MEGF10: variants seen among roughly 807,000 people sequenced by gnomAD.
MEGF10 encodes the protein multiple epidermal growth factor-like domains protein 10.
MEGF10 carries 86 observed loss-of-function variants against 147.5 expected under a neutral mutation model. That is an observed-to-expected ratio of 0.58 (90% CI 0.49 to 0.70). The LOEUF is 0.70. MEGF10 is among the 30% of genes least tolerant of loss of function. The pLI is 0.00. For missense variants in MEGF10, 1,329 were observed against 1,487.3 expected (o/e 0.89, Z 1.75); for synonymous variants, 478 against 525.5 (o/e 0.91, Z 1.24).
chr5:127,419,962 A>G (rs1463988812), intron 11 of MEGF10, 82 bp from the exon 12 acceptor site: 2 of 1,493,616 alleles, frequency 1.3e-6, no homozygotes, highest in Non-Finnish European at 1.8e-6. Flanking sequence ...GCGTTTCTAA[A>G]GAGAAACGTG....
chr5:127,351,397 T>C (rs1426250342), intron 4 of MEGF10, among the ~76,000 whole-genome samples: 1 of 152,186 alleles, frequency 6.6e-6, no homozygotes, highest in Non-Finnish European at 1.5e-5. Context: ...ATTGTAGACA[T>C]ATTTTCTTGT....
chr5:127,350,789 A>T (rs1456867870), intron 4 of MEGF10, among the ~76,000 whole-genome samples: 1 of 152,190 alleles, frequency 6.6e-6, no homozygotes, highest in Admixed American at 6.5e-5. Flanking sequence ...TTTTAAAAAA[A>T]TTTTGAAGTT....
chr5:127,276,861 G>C, the MEGF10 span, among the ~76,000 whole-genome samples: 2 of 152,128 alleles, frequency 1.3e-5, no homozygotes, highest in African/African-American at 4.8e-5. Flanking sequence ...ATGGTAAAGG[G>C]GATCAGGTGT....
At chr5:127,322,766 G>T (rs941318015) in intron 1 of MEGF10, among the ~76,000 whole-genome samples, 6 of 152,062 alleles carry the variant, frequency 3.9e-5, no homozygotes, top group Non-Finnish European at 5.9e-5. Flanking sequence ...GGATTAAATT[G>T]GTACTATTGC....
At chr5:127,252,458 T>C in the MEGF10 span, among the ~76,000 whole-genome samples, 1 of 151,872 alleles carries the variant, frequency 6.6e-6, no homozygotes, top group Non-Finnish European at 1.5e-5. Context: ...GAAGTACATA[T>C]AGTTTCATAT....
chr5:127,425,414 C>A (rs1461160831), intron 13 of MEGF10, among the ~76,000 whole-genome samples: 1 of 152,154 alleles, frequency 6.6e-6, no homozygotes, highest in Non-Finnish European at 1.5e-5. Context: ...CATTATTGCT[C>A]CTAGACCAGC....
intron 7 of MEGF10, among the ~76,000 whole-genome samples, chr5:127,401,605 G>C (rs1764136624): frequency 6.6e-6 from 1 of 152,192 alleles, no homozygotes. Context: ...AGGGAGGACA[G>C]AGCAACAGCT....
the MEGF10 span, among the ~76,000 whole-genome samples, chr5:127,244,852 AAAAC>A: frequency 6.6e-6 from 1 of 152,202 alleles, no homozygotes; most frequent in African/African-American, 2.4e-5. Flanking sequence ...AAAAAACAAA[AAAAC>A]AAAGTATACC....
chr5:127,414,485 A>T (rs1473139829), intron 9 of MEGF10, among the ~76,000 whole-genome samples: 2 of 152,234 alleles, frequency 1.3e-5, no homozygotes, highest in Admixed American at 1.3e-4. Context: ...ATCATCACAA[A>T]CATGGTGACA....
At position 127,460,253 on chromosome 5, in the gene MEGF10, A is replaced by G. The variant is rs1280541657; in HGVS notation, c.*2935A>G. 1 of 152,200 alleles carries G rather than the reference A, an allele frequency of 6.6e-6. No individual in the cohort carries two copies. Among genetic ancestry groups the G allele is most frequent in the Non-Finnish European group, 1.5e-5 (1 of 68,022 alleles). The allele number at this position is 152,200 out of a possible 1,614,324, so 9.4% of individuals were successfully genotyped here. A position where few individuals can be genotyped will look rare whatever the true frequency, so the allele number is the denominator to read the frequency against. On this transcript the variant is annotated 3_prime_UTR_variant, in exon 25 of 25. Coordinates refer to ENST00000503335, the MANE Select transcript of MEGF10 (RefSeq NM_001256545.2). Reference sequence around the variant, plus strand: ...ATTTATAAGTTATTTGTATTTATATATAAGTACATCAGAACTTGCCCACAT... The same window carrying G: ...ATTTATAAGTTATTTGTATTTATATGTAAGTACATCAGAACTTGCCCACAT...
intron 1 of MEGF10, among the ~76,000 whole-genome samples, chr5:127,313,882 T>G (rs1037239788): frequency 7.2e-5 from 11 of 152,318 alleles, no homozygotes; most frequent in African/African-American, 2.6e-4. Context: ...TCAGAATAAC[T>G]TCCTTATAGT....
intron 2 of MEGF10, among the ~76,000 whole-genome samples, chr5:127,333,227 A>C (rs1761333779): frequency 6.6e-6 from 1 of 152,086 alleles, no homozygotes; most frequent in African/African-American, 2.4e-5. Flanking sequence ...ACTATAAGAG[A>C]AAAAAAGGTT....
intron 21 of MEGF10, 39 bp downstream of exon 21, chr5:127,447,723 G>A (rs1447628574): frequency 6.2e-7 from 1 of 1,612,618 alleles, no homozygotes; most frequent in East Asian, 2.2e-5. Flanking sequence ...AGTGGGCTGG[G>A]GAGAGAGGAA....
intron 15 of MEGF10, 61 bp downstream of exon 15, chr5:127,434,882 C>A: frequency 6.4e-7 from 1 of 1,555,738 alleles, no homozygotes; most frequent in African/African-American, 1.4e-5. Flanking sequence ...AGAGTCTGTC[C>A]TCAGGCCTCC....
chr5:127,300,276 A>G (rs1296879774), intron 1 of MEGF10, among the ~76,000 whole-genome samples: 3 of 152,238 alleles, frequency 2.0e-5, no homozygotes, highest in Admixed American at 1.3e-4. Flanking sequence ...TTTGTGTGAT[A>G]TAGAGAGGCT....
the MEGF10 span, among the ~76,000 whole-genome samples, chr5:127,252,289 C>T: frequency 2.6e-5 from 4 of 151,286 alleles, no homozygotes; most frequent in Non-Finnish European, 5.9e-5. Flanking sequence ...GAATATTTTG[C>T]ATGCAGTGGG....
chr5:127,359,355 T>TG (rs138410801), intron 4 of MEGF10, among the ~76,000 whole-genome samples: 2,649 of 152,190 alleles, frequency 0.017, 66 homozygotes, highest in Middle Eastern at 0.095. Flanking sequence ...AGGGTTTTTT[T>TG]TTGTTGTTTA....
At chr5:127,432,767 C>T (rs1270687650) in intron 13 of MEGF10, among the ~76,000 whole-genome samples, 1 of 152,114 alleles carries the variant, frequency 6.6e-6, no homozygotes, top group African/African-American at 2.4e-5. Flanking sequence ...TAGACAACAG[C>T]TACAAATAAT....
chr5:127,264,329 A>T, the MEGF10 span, among the ~76,000 whole-genome samples: 1 of 152,200 alleles, frequency 6.6e-6, no homozygotes, highest in Non-Finnish European at 1.5e-5. Context: ...TGGAAACTGT[A>T]TCAGAGATAT....
Sources: allele counts gnomAD v4.1 joint callset (sites outside exome capture counted in the v4.1 genomes callset), GRCh38; gene constraint gnomAD v4.1.1; transcripts MANE v1.5; gene names NCBI Gene and HGNC (gene_info 2026-07-23, HGNC 2026-07-21).